GRK5: variants seen among roughly 807,000 people sequenced by gnomAD.
GRK5 encodes G protein-coupled receptor kinase 5, also known as g protein-coupled receptor kinase GRK5.
Under a neutral mutation model 78.4 loss-of-function variants are expected in GRK5, and 40 were observed. That is an observed-to-expected ratio of 0.51 (90% CI 0.40 to 0.66). GRK5 has a LOEUF of 0.66. GRK5 is among the 30% of genes least tolerant of loss of function. GRK5 has a pLI of 0.00. For synonymous variants in GRK5, 289 were observed against 296.8 expected (o/e 0.97, Z 0.27); for missense variants, 598 against 759.9 (o/e 0.79, Z 2.50).
At chr10:119,341,410 A>T (rs1241158933) in intron 2 of GRK5, among the ~76,000 whole-genome samples, 2 of 151,208 alleles carry the variant, frequency 1.3e-5, no homozygotes, top group East Asian at 3.9e-4. Context: ...TGACTTAGCC[A>T]TTCCTTCATG....
At chr10:119,223,104 C>T (rs1589687502) in intron 1 of GRK5, among the ~76,000 whole-genome samples, 1 of 152,218 alleles carries the variant, frequency 6.6e-6, no homozygotes, top group African/African-American at 2.4e-5. Flanking sequence ...TGTGCAGGGC[C>T]GTGCTCCCTC....
At chr10:119,394,407 T>TGG (rs1851980322) in intron 3 of GRK5, among the ~76,000 whole-genome samples, 6 of 25,308 alleles carry the variant, frequency 2.4e-4, no homozygotes, top group Admixed American at 4.1e-4. Flanking sequence ...TGTGTGGGCA[T>TGG]GTGTGTGGGG....
intron 1 of GRK5, among the ~76,000 whole-genome samples, chr10:119,313,056 A>C (rs375812990): frequency 1.9e-4 from 24 of 123,284 alleles, no homozygotes; most frequent in Admixed American, 2.7e-4. Context: ...GGTGGTAATG[A>C]TGATGGTGGT....
intron 4 of GRK5, among the ~76,000 whole-genome samples, chr10:119,422,179 A>G (rs1181338850): frequency 7.4e-6 from 1 of 134,944 alleles, no homozygotes; most frequent in Non-Finnish European, 1.6e-5. Context: ...CAGCTGGCAG[A>G]GGGTGAATGG....
chr10:119,323,236 C>T (rs1850615396), intron 1 of GRK5, among the ~76,000 whole-genome samples: 2 of 152,200 alleles, frequency 1.3e-5, no homozygotes, highest in South Asian at 4.1e-4. Flanking sequence ...GTGATGGTTC[C>T]ACAGCAATGG....
chr10:119,214,974 G>A (rs1205485037), intron 1 of GRK5, among the ~76,000 whole-genome samples: 1 of 152,218 alleles, frequency 6.6e-6, no homozygotes. Context: ...CAGAGGCCTG[G>A]GCGGGTAGAC....
chr10:119,394,114 GGGTGT>G (rs1245743125), intron 3 of GRK5, among the ~76,000 whole-genome samples: 2 of 31,924 alleles, frequency 6.3e-5, no homozygotes, highest in Admixed American at 7.1e-4. Flanking sequence ...TCTGTGTGGG[GGGTGT>G]GTGTGTGTGT....
chr10:119,391,302 C>T (rs1851884467), intron 3 of GRK5, among the ~76,000 whole-genome samples: 1 of 152,134 alleles, frequency 6.6e-6, no homozygotes, highest in Non-Finnish European at 1.5e-5. Context: ...GACCCTGGGG[C>T]CCCTGGGGGA....
chr10:119,421,038 C>G (rs1421521700), intron 4 of GRK5, among the ~76,000 whole-genome samples: 2 of 152,216 alleles, frequency 1.3e-5, no homozygotes, highest in African/African-American at 4.8e-5. Flanking sequence ...TTCTGTTTCT[C>G]CCCATGGCCC....
intron 1 of GRK5, among the ~76,000 whole-genome samples, chr10:119,325,994 G>C (rs1363994847): frequency 6.6e-6 from 1 of 152,198 alleles, no homozygotes; most frequent in African/African-American, 2.4e-5. Context: ...GGTTTGTGAG[G>C]AGCAAGAAGA....
At chr10:119,219,064 T>C (rs1848622651) in intron 1 of GRK5, among the ~76,000 whole-genome samples, 1 of 152,042 alleles carries the variant, frequency 6.6e-6, no homozygotes, top group African/African-American at 2.4e-5. Context: ...TTTTTTTGTA[T>C]TTTTAGTAGA....
chr10:119,371,760 G>C (rs1048353814), intron 2 of GRK5, among the ~76,000 whole-genome samples: 2 of 152,336 alleles, frequency 1.3e-5, no homozygotes, highest in Non-Finnish European at 2.9e-5. Context: ...CTCAGTCATC[G>C]GAGAAGTAAA....
intron 2 of GRK5, among the ~76,000 whole-genome samples, chr10:119,339,651 T>C (rs910472058): frequency 6.6e-6 from 1 of 152,080 alleles, no homozygotes; most frequent in South Asian, 2.1e-4. Flanking sequence ...CCCAGCACTT[T>C]GGGAGGCAGA....
Position 119,264,928 on chromosome 10 carries a change from T to C in GRK5, c.52+56959T>C, listed in dbSNP as rs1473522478. ...GTCCATAGAGCAAGGCACAGACCTG[T>C]CCCTGGGAGCTCAGTGTCCTGTTGG... On this transcript the variant is annotated intron_variant, in intron 1 of 15. Transcript: ENST00000392870. This position sits in a 1 kb window ranked among gnomAD's most constrained non-coding sequence, Gnocchi z 4.1. Among the ~76,000 whole-genome samples, 1 of 152,204 alleles carries C rather than the reference T, an allele frequency of 6.6e-6. No individual in the cohort carries two copies. Among genetic ancestry groups the C allele is most frequent in the African/African-American group, 2.4e-5 (1 of 41,458 alleles).
At chr10:119,323,368 G>A (rs1352626239) in intron 1 of GRK5, among the ~76,000 whole-genome samples, 1 of 152,262 alleles carries the variant, frequency 6.6e-6, no homozygotes, top group Non-Finnish European at 1.5e-5. Flanking sequence ...CTGAGAATCA[G>A]TAGTGTGCGA....
At position 119,264,088 on chromosome 10, in the gene GRK5, T is replaced by C. The variant is rs1849454959; in HGVS notation, c.52+56119T>C. On this transcript the variant is annotated intron_variant, in intron 1 of 15. Coordinates refer to ENST00000392870, the MANE Select transcript of GRK5 (RefSeq NM_005308.3). The surrounding 1 kb of genome is among the most constrained non-coding windows in gnomAD (Gnocchi z 4.1). Reference sequence around the variant, plus strand: ...GGTTCTCAGCATGACTTTTCTCAAATGTGATGCTCCTCAAGAGAGTCTATA... The same window carrying C: ...GGTTCTCAGCATGACTTTTCTCAAACGTGATGCTCCTCAAGAGAGTCTATA... Among the ~76,000 whole-genome samples the C allele has an allele frequency of 6.6e-6, 1 of 152,154 alleles. No homozygotes were observed. The highest frequency in any genetic ancestry group is 1.5e-5 in the Non-Finnish European group (1 of 68,032).
chr10:119,260,303 G>T (rs75767068), intron 1 of GRK5, among the ~76,000 whole-genome samples: 1 of 151,450 alleles, frequency 6.6e-6, no homozygotes, highest in East Asian at 1.9e-4. Context: ...ACCGGCCAAG[G>T]TCAGTTTTTT....
chr10:119,260,632 A>C (rs1000527205), intron 1 of GRK5, among the ~76,000 whole-genome samples: 2 of 152,050 alleles, frequency 1.3e-5, no homozygotes, highest in Admixed American at 1.3e-4. Flanking sequence ...GCCTTCAAGC[A>C]TCTGTTTAAC....
intron 1 of GRK5, among the ~76,000 whole-genome samples, chr10:119,225,879 C>T (rs1343249136): frequency 3.3e-5 from 5 of 150,258 alleles, no homozygotes; most frequent in African/African-American, 1.2e-4. Context: ...GATGGAGTCT[C>T]GCTCTGTCAC....
Sources: gnomAD v4.1 joint callset for allele counts (sites outside exome capture counted in the v4.1 genomes callset) on GRCh38, gnomAD v4.1.1 for gene constraint, Gnocchi (gnomAD v3.1) non-coding constraint, MANE v1.5 for transcripts, NCBI Gene and HGNC (gene_info 2026-07-23, HGNC 2026-07-21) for gene names.